FBN2: variants seen among roughly 807,000 people sequenced by gnomAD.
FBN2 encodes the protein fibrillin-2.
FBN2 carries 105 observed loss-of-function variants against 355.6 expected under a neutral mutation model. That is an observed-to-expected ratio of 0.30 (90% confidence interval 0.25 to 0.35). The LOEUF is 0.35. Ranked by LOEUF, FBN2 falls within the 10% of genes least tolerant of loss-of-function variation. FBN2 has a pLI of 1.00. For synonymous variants in FBN2, 1,350 were observed against 1,301.2 expected (o/e 1.04, Z -0.81); for missense variants, 3,280 against 3,758.7 (o/e 0.87, Z 3.33).
At chr5:128,477,057 C>A (rs777555311) in intron 5 of FBN2, among the ~76,000 whole-genome samples, 12 of 152,232 alleles carry the variant, frequency 7.9e-5, no homozygotes, top group Non-Finnish European at 1.6e-4. Flanking sequence ...TAAAATCTTA[C>A]ACCAATGTGG....
intron 7 of FBN2, among the ~76,000 whole-genome samples, chr5:128,422,393 A>G (rs1753372418): frequency 6.6e-6 from 1 of 152,212 alleles, no homozygotes; most frequent in African/African-American, 2.4e-5. Context: ...ACTGGTATAC[A>G]CTAAGCTTTT....
rs1166492024 is a variant in FBN2 at position 128,334,968 on chromosome 5, A to G, written c.3974-124T>C. 6.9e-6 allele frequency: 8 copies of G among 1,160,596 alleles called. No individual in the cohort carries two copies. The East Asian group carries it at 1.5e-4, about 21-fold the overall frequency. The allele number at this position is 1,160,596 out of a possible 1,614,324, so 71.9% of individuals were successfully genotyped here. A position where few individuals can be genotyped will look rare whatever the true frequency, so the allele number is the denominator to read the frequency against. ...GATCTAAAATATAATCCATCCGCAA[A>G]TCATCGTGTTATAGATAAATATACA... On this transcript the variant is annotated intron_variant, in intron 30 of 64. Transcript: ENST00000262464.
intron 8 of FBN2, among the ~76,000 whole-genome samples, chr5:128,395,533 C>T (rs760062486): frequency 1.3e-5 from 2 of 152,194 alleles, no homozygotes; most frequent in Non-Finnish European, 2.9e-5. Context: ...AAAGCAACAA[C>T]CCAGTCCCAA....
At chr5:128,295,261 A>C (rs1423241121) in intron 48 of FBN2, among the ~76,000 whole-genome samples, 5 of 151,788 alleles carry the variant, frequency 3.3e-5, no homozygotes, top group Non-Finnish European at 5.9e-5. Context: ...GTTTGAAGTC[A>C]GGTAGTGTGA....
chr5:128,469,666 T>C (rs1198604728), intron 5 of FBN2, among the ~76,000 whole-genome samples: 37 of 152,120 alleles, frequency 2.4e-4, no homozygotes. Context: ...CAAGATACAG[T>C]GGAACCAGAA....
intron 5 of FBN2, among the ~76,000 whole-genome samples, chr5:128,486,414 T>C (rs1031408907): frequency 1.3e-5 from 2 of 152,156 alleles, no homozygotes; most frequent in African/African-American, 4.8e-5. Context: ...ACCATATTAA[T>C]ATTTAAATGG....
At chr5:128,416,321 G>A (rs986192454) in intron 7 of FBN2, among the ~76,000 whole-genome samples, 4 of 152,102 alleles carry the variant, frequency 2.6e-5, no homozygotes, top group East Asian at 3.9e-4. Context: ...CACTGAGCCC[G>A]AACCCATAGT....
chr5:128,322,055 T>C (rs186703930), intron 34 of FBN2, among the ~76,000 whole-genome samples: 279 of 152,316 alleles, frequency 1.8e-3, no homozygotes, highest in African/African-American at 6.3e-3. Context: ...GAGGATGTGC[T>C]TTTTTTCACG....
chr5:128,408,749 A>C lies in FBN2; in HGVS notation c.1003T>G (p.Ser335Ala). ...CAAAAATAGCTTCCCACGGTGTTGG[A>C]ACATTCACCAGTTTCACATATCCCA... is the stretch of plus-strand genomic sequence containing the variant. The part of the protein sequence containing the change: ...IPGICETGEC[S>A]NTVGSYFCVC... The change falls in exon 8 of 65, where the codon TCC becomes GCC. Residue 335 changes from serine (S) to alanine (A), a missense_variant. By Grantham distance (99) the Ser-to-Ala change is moderately conservative. This residue lies in a region of FBN2 where 343 missense variants were observed against 331.0 expected (regional missense o/e 1.04). Coordinates refer to ENST00000262464, the MANE Select transcript of FBN2 (RefSeq NM_001999.4). 1 of 1,614,010 alleles carries C rather than the reference A, an allele frequency of 6.2e-7. No homozygotes were observed.
Position 128,295,153 on chromosome 5 carries a change from C to T in FBN2, c.6167-3499G>A, listed in dbSNP as rs1276011727. ...CAAAGATCAGATAGTTGTAGATATGCGGCGTTATTTCTGAGGGCTCTGTTC... is the reference window on the plus strand; with the variant it reads ...CAAAGATCAGATAGTTGTAGATATGTGGCGTTATTTCTGAGGGCTCTGTTC... On this transcript the variant is annotated intron_variant, in intron 48 of 64. Transcript: ENST00000262464. Among the ~76,000 whole-genome samples, 8 of 146,282 alleles carry T rather than the reference C, an allele frequency of 5.5e-5. 1 individual carries two copies. The highest frequency in any genetic ancestry group is 4.8e-4 in the Admixed American group (7 of 14,694).
At chr5:128,280,710 G>A (rs1765515399) in intron 55 of FBN2, among the ~76,000 whole-genome samples, 1 of 152,070 alleles carries the variant, frequency 6.6e-6, no homozygotes, top group Non-Finnish European at 1.5e-5. Flanking sequence ...TGTTGGGTAT[G>A]GGTGATGAGT....
intron 43 of FBN2, 53 bp from the exon 44 acceptor site, chr5:128,305,689 A>G (rs1230118338): frequency 1.9e-6 from 3 of 1,607,100 alleles, no homozygotes; most frequent in Admixed American, 1.7e-5. Flanking sequence ...TTGTATTAGC[A>G]TTACATTCAC....
chr5:128,441,331 G>A (rs1753915733), intron 7 of FBN2, among the ~76,000 whole-genome samples: 1 of 152,170 alleles, frequency 6.6e-6, no homozygotes, highest in Non-Finnish European at 1.5e-5. Context: ...GCAGTCCCAG[G>A]CTGGGATGTG....
chr5:128,368,785 C>T (rs1751852570), intron 16 of FBN2, among the ~76,000 whole-genome samples: 1 of 151,864 alleles, frequency 6.6e-6, no homozygotes. Flanking sequence ...TCCCTTGCAC[C>T]TCAGCCCCCC....
At chr5:128,277,605 C>T (rs540087952) in intron 58 of FBN2, among the ~76,000 whole-genome samples, 1 of 152,158 alleles carries the variant, frequency 6.6e-6, no homozygotes, top group East Asian at 1.9e-4. Flanking sequence ...ACCTGAGAAT[C>T]AGAAACTTAA....
chr5:128,420,629 C>G (rs1372067745), intron 7 of FBN2, among the ~76,000 whole-genome samples: 1 of 152,098 alleles, frequency 6.6e-6, no homozygotes, highest in Non-Finnish European at 1.5e-5. Context: ...CCGATGACAA[C>G]TAAATGGCCA....
chr5:128,446,770 T>C (rs1321907036), intron 6 of FBN2, among the ~76,000 whole-genome samples, 164 bp from the exon 7 acceptor site: 1 of 152,260 alleles, frequency 6.6e-6, no homozygotes, highest in East Asian at 1.9e-4. Flanking sequence ...TATGTTTTAA[T>C]TTATGTAAAT....
Position 128,273,946 on chromosome 5 carries a change from T to C in FBN2, c.7734A>G (p.Gln2578=). ...TTCCCTTTGCTCCACAAAGCGAAGGTTGAGACCCACATTCGTTGTTGTCTG... is the reference window on the plus strand; with the variant it reads ...TTCCCTTTGCTCCACAAAGCGAAGGCTGAGACCCACATTCGTTGTTGTCTG... ...ACIDNNECGS[Q]PSLCGAKGIC... is the part of the protein sequence containing the mutation. Residue 2578 remains glutamine (Q), a synonymous_variant, in exon 61 of 65, where the codon CAA becomes CAG. Transcript: ENST00000262464. The C allele has an allele frequency of 6.2e-7, 1 of 1,613,956 alleles. No individual in the cohort carries two copies. Among genetic ancestry groups the C allele is most frequent in the South Asian group, 1.1e-5 (1 of 91,068 alleles).
At position 128,258,452 on chromosome 5, in the gene FBN2, T is replaced by C. The variant is rs1289132158; in HGVS notation, c.*1003A>G. ...CATGATTTGTTTGCACATATGGCAA[T>C]CCTGAAATAACTTGAACATAATAAA... On this transcript the variant is annotated 3_prime_UTR_variant, in exon 65 of 65. Transcript: ENST00000262464. 2 of 152,550 alleles carry C rather than the reference T, an allele frequency of 1.3e-5. No individual in the cohort carries two copies. Among genetic ancestry groups the C allele is most frequent in the African/African-American group, 4.8e-5 (2 of 41,428 alleles). 9.4% of individuals were successfully genotyped at this position (152,550 alleles called of 1,614,324 possible). A position where few individuals can be genotyped will look rare whatever the true frequency, so the allele number is the denominator to read the frequency against.
Sources: gnomAD v4.1 joint callset for allele counts (sites outside exome capture counted in the v4.1 genomes callset) on GRCh38, gnomAD v4.1.1 for gene constraint, gnomAD v4.1.1 regional missense constraint, MANE v1.5 for transcripts, NCBI Gene and HGNC (gene_info 2026-07-23, HGNC 2026-07-21) for gene names.